Variants in ZCCHC7 observed in about 807,000 individuals in gnomAD.
ZCCHC7 encodes zinc finger CCHC-type containing 7.
A neutral mutation model predicts 52.0 loss-of-function variants in ZCCHC7; 35 were observed. The ratio of observed to expected loss-of-function variants is 0.67; its 90% CI spans 0.51 to 0.89. The LOEUF is 0.89. Ranked by LOEUF, ZCCHC7 falls within the 40% of genes least tolerant of loss-of-function variation. The pLI is 0.00. For missense variants in ZCCHC7, 574 were observed against 649.1 expected (o/e 0.88, Z 1.26); for synonymous variants, 217 against 221.5 (o/e 0.98, Z 0.18).
chr9:37,300,926 TC>T (rs1460248759), intron 2 of ZCCHC7, among the ~76,000 whole-genome samples: 1 of 152,166 alleles, frequency 6.6e-6, no homozygotes, highest in Non-Finnish European at 1.5e-5. Flanking sequence ...GGAGATTATT[TC>T]CCCCACTAGG....
chr9:37,305,500 A>G (rs757554834), intron 4 of ZCCHC7, 44 bp from the exon 5 acceptor site: 20 of 1,604,956 alleles, frequency 1.2e-5, no homozygotes, highest in Admixed American at 1.7e-5. Flanking sequence ...CTAATCTTCT[A>G]CCTTTTGAGA....
At chr9:37,348,343 G>GTTCATTCTTTCTTTCTTTCTTTCT (rs768829753) in intron 6 of ZCCHC7, among the ~76,000 whole-genome samples, 1 of 100,018 alleles carries the variant, frequency 1.0e-5, no homozygotes, top group South Asian at 4.0e-4. Flanking sequence ...AGTGATACCA[G>GTTCATTCTTTCTTTCTTTCTTTCT]TTCGTTCTTT....
chr9:37,130,227 G>T (rs1842715092), intron 2 of ZCCHC7, among the ~76,000 whole-genome samples: 1 of 110,326 alleles, frequency 9.1e-6, no homozygotes, highest in Admixed American at 9.4e-5. Flanking sequence ...GATGGAGTGA[G>T]ACTGTCTCAA....
intron 2 of ZCCHC7, among the ~76,000 whole-genome samples, chr9:37,225,025 T>G (rs1364639775): frequency 6.6e-6 from 1 of 152,218 alleles, no homozygotes; most frequent in African/African-American, 2.4e-5. Context: ...AGAGAAAGAA[T>G]AATTCATTTT....
chr9:37,243,148 C>T (rs1432712981), intron 2 of ZCCHC7, among the ~76,000 whole-genome samples: 1 of 151,722 alleles, frequency 6.6e-6, no homozygotes, highest in East Asian at 1.9e-4. Flanking sequence ...AGAATTATTT[C>T]TGAGCAAAGT....
At chr9:37,163,975 AGTTGTCT>A (rs1821261764) in intron 2 of ZCCHC7, among the ~76,000 whole-genome samples, 1 of 152,062 alleles carries the variant, frequency 6.6e-6, no homozygotes, top group Non-Finnish European at 1.5e-5. Context: ...GTTGAAAATC[AGTTGTCT>A]GTTGTATTCT....
At chr9:37,198,594 T>G (rs1345278766) in intron 2 of ZCCHC7, among the ~76,000 whole-genome samples, 1 of 152,184 alleles carries the variant, frequency 6.6e-6, no homozygotes, top group African/African-American at 2.4e-5. Context: ...ATTAAGATAA[T>G]ACAAAGTGGA....
intron 2 of ZCCHC7, among the ~76,000 whole-genome samples, chr9:37,235,483 C>A (rs867656799): frequency 2.0e-4 from 30 of 146,898 alleles, no homozygotes; most frequent in Admixed American, 6.8e-4. Flanking sequence ...TCCTTCCTTT[C>A]TTTCCTTCCT....
intron 2 of ZCCHC7, among the ~76,000 whole-genome samples, chr9:37,216,021 A>G (rs1824483512): frequency 6.6e-6 from 1 of 152,200 alleles, no homozygotes; most frequent in Admixed American, 6.5e-5. Flanking sequence ...GATTAGCAAT[A>G]ATCCTTTTGC....
chr9:37,235,554 CTCCCCTCCCTTCCCT>C (rs1318732342), intron 2 of ZCCHC7, among the ~76,000 whole-genome samples: 1 of 106,148 alleles, frequency 9.4e-6, no homozygotes, highest in African/African-American at 3.5e-5. Flanking sequence ...CTCCCCTCCC[CTCCCCTCCCTTCCCT>C]TCCCTTCCCT....
intron 6 of ZCCHC7, among the ~76,000 whole-genome samples, chr9:37,336,971 G>A (rs1830696192): frequency 6.6e-6 from 1 of 152,248 alleles, no homozygotes; most frequent in Admixed American, 6.5e-5. Flanking sequence ...GATCCCGCAT[G>A]CTATGAATGG....
At chr9:37,304,085 G>C (rs1431469073) in intron 3 of ZCCHC7, 103 bp from the exon 4 acceptor site, 1 of 1,127,876 alleles carries the variant, frequency 8.9e-7, no homozygotes, top group African/African-American at 1.6e-5. Flanking sequence ...CTTGAAGCTT[G>C]ATGTATCTTT....
intron 2 of ZCCHC7, among the ~76,000 whole-genome samples, chr9:37,261,289 G>A (rs1232440755): frequency 2.6e-5 from 4 of 152,046 alleles, no homozygotes; most frequent in Non-Finnish European, 5.9e-5. Flanking sequence ...CTGTAAAATG[G>A]ACAAGAGTTG....
intron 2 of ZCCHC7, among the ~76,000 whole-genome samples, chr9:37,263,705 A>G (rs1826969191): frequency 6.6e-6 from 1 of 152,186 alleles, no homozygotes; most frequent in Non-Finnish European, 1.5e-5. Context: ...ACGTTTGCAG[A>G]AGGGGTGCAA....
At chr9:37,159,630 C>T (rs1820987245) in intron 2 of ZCCHC7, among the ~76,000 whole-genome samples, 1 of 152,128 alleles carries the variant, frequency 6.6e-6, no homozygotes, top group Admixed American at 6.5e-5. Context: ...TAATGTTTCA[C>T]TCCCAAGCGC....
chr9:37,223,627 T>A (rs956948928), intron 2 of ZCCHC7, among the ~76,000 whole-genome samples: 1 of 152,124 alleles, frequency 6.6e-6, no homozygotes, highest in Non-Finnish European at 1.5e-5. Flanking sequence ...TTAAAACGGT[T>A]AAGATGACAA....
chr9:37,195,042 G>T (rs1031680466), intron 2 of ZCCHC7, among the ~76,000 whole-genome samples: 21 of 151,182 alleles, frequency 1.4e-4, no homozygotes, highest in African/African-American at 5.1e-4. Flanking sequence ...CACCACCCGG[G>T]TTCAAGCTAT....
At chr9:37,342,619 C>G (rs1385796421) in intron 6 of ZCCHC7, among the ~76,000 whole-genome samples, 1 of 152,160 alleles carries the variant, frequency 6.6e-6, no homozygotes, top group Non-Finnish European at 1.5e-5. Flanking sequence ...TGGAAGAAAA[C>G]TAGGAGAGCG....
At position 37,304,169 on chromosome 9, in the gene ZCCHC7, T is replaced by C. The variant is rs577314760; in HGVS notation, c.655-19T>C. The C allele has an allele frequency of 9.6e-5, 147 of 1,523,716 alleles. 1 individual carries two copies. In the Middle Eastern group the frequency reaches 5.0e-3, roughly 52 times the overall value. The allele number at this position is 1,523,716 out of a possible 1,614,324, so 94.4% of individuals were successfully genotyped here. A position where few individuals can be genotyped will look rare whatever the true frequency, so the allele number is the denominator to read the frequency against. On this transcript the variant is annotated intron_variant, in intron 3 of 8. Coordinates refer to ENST00000336755, the MANE Select transcript of ZCCHC7 (RefSeq NM_032226.3). ...GCAGTGAAACAATTTTTTTAATTCT[T>C]GATTTTTTTTTCCCTTAGGCCCAGA... is the stretch of plus-strand genomic sequence containing the variant.
Sources: allele counts gnomAD v4.1 joint callset (sites outside exome capture counted in the v4.1 genomes callset), GRCh38; gene constraint gnomAD v4.1.1; transcripts MANE v1.5; gene names NCBI Gene and HGNC (gene_info 2026-07-23, HGNC 2026-07-21).